Variants in SPTSSB observed in about 807,000 individuals in gnomAD.
The protein encoded by SPTSSB is androgen down regulated in mouse prostate.
A neutral mutation model predicts 7.7 loss-of-function variants in SPTSSB; 6 were observed. The ratio of observed to expected loss-of-function variants is 0.78; its 90% CI spans 0.43 to 1.54. SPTSSB has a LOEUF of 1.54. SPTSSB is among the 40% of genes most tolerant of loss of function. SPTSSB has a pLI of 0.01. For synonymous variants in SPTSSB, 28 were observed against 29.7 expected (o/e 0.94, Z 0.19); for missense variants, 91 against 93.0 (o/e 0.98, Z 0.09).
intron 2 of SPTSSB, among the ~76,000 whole-genome samples, chr3:161,351,450 T>C (rs1560103461): frequency 6.6e-6 from 1 of 152,184 alleles, no homozygotes; most frequent in Non-Finnish European, 1.5e-5. Context: ...TTACTTCCTA[T>C]CTGGAAAATT....
At chr3:161,365,378 C>T (rs1576902613) in intron 1 of SPTSSB, among the ~76,000 whole-genome samples, 2 of 152,214 alleles carry the variant, frequency 1.3e-5, no homozygotes, top group South Asian at 4.1e-4. Context: ...CATCCACACA[C>T]AGTGTGGTTT....
At chr3:161,349,692 G>A (rs981545764) in intron 2 of SPTSSB, among the ~76,000 whole-genome samples, 2 of 152,198 alleles carry the variant, frequency 1.3e-5, no homozygotes, top group African/African-American at 4.8e-5. Context: ...TAAGCAGACT[G>A]TGATGTGGCT....
chr3:161,358,254 A>C (rs1350201984), intron 2 of SPTSSB, among the ~76,000 whole-genome samples: 1 of 152,034 alleles, frequency 6.6e-6, no homozygotes, highest in Non-Finnish European at 1.5e-5. Context: ...TGTTTTAAAG[A>C]TAAGGAAACT....
intron 1 of SPTSSB, among the ~76,000 whole-genome samples, chr3:161,361,176 T>C (rs949587176): frequency 1.3e-5 from 2 of 152,124 alleles, no homozygotes; most frequent in African/African-American, 4.8e-5. Flanking sequence ...AAGGGTGTTA[T>C]AGGCTGACAT....
Position 161,344,852 on chromosome 3 carries a change from CT to C in SPTSSB, c.*1240del, listed in dbSNP as rs1213560340. On this transcript the variant is annotated 3_prime_UTR_variant, in exon 3 of 3. Coordinates refer to ENST00000620149, the MANE Select transcript of SPTSSB (RefSeq NM_001040100.2). ...AAACTCAACAAATACATGTTCAGAT[CT>C]GGTTTCTCTTCAAAACATGTGTTTG... 1 of 152,552 alleles carries C rather than the reference CT, an allele frequency of 6.6e-6. No homozygotes were observed. Among genetic ancestry groups the C allele is most frequent in the Non-Finnish European group, 1.5e-5 (1 of 68,022 alleles). 9.4% of individuals were successfully genotyped at this position (152,552 alleles called of 1,614,324 possible).
At chr3:161,364,541 G>A (rs1715140753) in intron 1 of SPTSSB, among the ~76,000 whole-genome samples, 1 of 152,016 alleles carries the variant, frequency 6.6e-6, no homozygotes. Flanking sequence ...TCCATATGAG[G>A]AGGCACTATG....
intron 2 of SPTSSB, among the ~76,000 whole-genome samples, chr3:161,347,298 C>T (rs578022026): frequency 6.6e-6 from 1 of 152,072 alleles, no homozygotes; most frequent in Non-Finnish European, 1.5e-5. Flanking sequence ...CACTCTGCTG[C>T]TTAGGCTAGA....
At chr3:161,365,206 C>T (rs1259129397) in intron 1 of SPTSSB, among the ~76,000 whole-genome samples, 6 of 152,232 alleles carry the variant, frequency 3.9e-5, no homozygotes, top group Admixed American at 1.3e-4. Flanking sequence ...AAGAGATGCA[C>T]TACTTGTATA....
intron 2 of SPTSSB, among the ~76,000 whole-genome samples, chr3:161,356,379 A>T (rs540331703): frequency 6.6e-6 from 1 of 152,306 alleles, no homozygotes; most frequent in Non-Finnish European, 1.5e-5. Flanking sequence ...ACATTTTATG[A>T]ATCTTCAGCA....
intron 2 of SPTSSB, among the ~76,000 whole-genome samples, chr3:161,350,349 C>G (rs1166679284): frequency 6.6e-6 from 1 of 152,100 alleles, no homozygotes. Context: ...AAGGAATTTC[C>G]TATTCTAAAG....
chr3:161,369,338 TTCTTTCTTTCTTTC>T lies in SPTSSB; in HGVS notation c.-126+2083_-126+2096del, dbSNP rs1461536659. Among the ~76,000 whole-genome samples, 151 of 102,218 alleles carry T rather than the reference TTCTTTCTTTCTTTC, an allele frequency of 1.5e-3. 2 individuals are homozygous for T. The highest frequency in any genetic ancestry group is 8.8e-3 in the Middle Eastern group (2 of 226). 67.1% of individuals were successfully genotyped at this position (102,218 alleles called of 152,430 possible). ...TCTCTTTCTTTCTTTCTTTCTTTCT[TTCTTTCTTTCTTTC>T]TCTTTCTTTCTCTCTCTGTCTCTCT... On this transcript the variant is annotated intron_variant, in intron 1 of 2. Transcript: ENST00000620149.
chr3:161,365,669 T>C (rs1026123770), intron 1 of SPTSSB, among the ~76,000 whole-genome samples: 1 of 152,226 alleles, frequency 6.6e-6, no homozygotes, highest in African/African-American at 2.4e-5. Context: ...ATAACTCCCT[T>C]GTGACAGGGG....
chr3:161,348,767 T>A (rs181920431), intron 2 of SPTSSB, among the ~76,000 whole-genome samples: 1 of 152,302 alleles, frequency 6.6e-6, no homozygotes, highest in Non-Finnish European at 1.5e-5. Flanking sequence ...GAAAAGTGTC[T>A]CTTGAAAACA....
intron 2 of SPTSSB, among the ~76,000 whole-genome samples, chr3:161,351,492 T>C (rs1277733745): frequency 1.3e-5 from 2 of 152,132 alleles, no homozygotes; most frequent in Non-Finnish European, 2.9e-5. Context: ...AGATGAGTAA[T>C]ATCCTTGCAT....
intron 2 of SPTSSB, among the ~76,000 whole-genome samples, chr3:161,350,277 C>T (rs146156610): frequency 5.9e-5 from 9 of 152,160 alleles, no homozygotes; most frequent in South Asian, 2.1e-4. Flanking sequence ...TTGCAGAAGA[C>T]GTGATCAGTA....
Position 161,369,314 on chromosome 3 carries a change from C to CTTTCTCTT in SPTSSB, c.-126+2120_-126+2121insAAGAGAAA, listed in dbSNP as rs1278233391. Reference sequence around the variant, plus strand: ...TCTTTCTTTCTTTCTTTCTTTCTTTCTCTTTCTTTCTTTCTTTCTTTCTTT... The same window carrying CTTTCTCTT: ...TCTTTCTTTCTTTCTTTCTTTCTTTCTTTCTCTTTCTTTCTTTCTTTCTTTCTTTCTTT... On this transcript the variant is annotated intron_variant, in intron 1 of 2. Transcript: ENST00000620149. 3.1e-3 allele frequency among the ~76,000 whole-genome samples: 206 copies of CTTTCTCTT among 65,720 alleles called. 2 individuals carry two copies. Among genetic ancestry groups the CTTTCTCTT allele is most frequent in the African/African-American group, 8.9e-3 (116 of 12,978 alleles). The allele number at this position is 65,720 out of a possible 152,430, so 43.1% of individuals were successfully genotyped here.
At chr3:161,349,640 C>T (rs1351168750) in intron 2 of SPTSSB, among the ~76,000 whole-genome samples, 1 of 152,100 alleles carries the variant, frequency 6.6e-6, no homozygotes, top group African/African-American at 2.4e-5. Flanking sequence ...TAAAAATGTT[C>T]TTAGATCTTT....
intron 2 of SPTSSB, among the ~76,000 whole-genome samples, chr3:161,353,887 T>G (rs1714653183): frequency 6.6e-6 from 1 of 152,178 alleles, no homozygotes; most frequent in African/African-American, 2.4e-5. Flanking sequence ...TCTTTTCATC[T>G]TAGAATACTC....
At chr3:161,367,686 AT>A (rs2108169646) in intron 1 of SPTSSB, among the ~76,000 whole-genome samples, 1 of 152,336 alleles carries the variant, frequency 6.6e-6, no homozygotes, top group Non-Finnish European at 1.5e-5. Context: ...CTTTCTGACA[AT>A]GACATGTTAG....
Sources: allele counts gnomAD v4.1 joint callset (sites outside exome capture counted in the v4.1 genomes callset), GRCh38; gene constraint gnomAD v4.1.1; transcripts MANE v1.5; gene names NCBI Gene and HGNC (gene_info 2026-07-23, HGNC 2026-07-21).